ZMYM4: variants seen among roughly 807,000 people sequenced by gnomAD.
ZMYM4 encodes zinc finger MYM-type containing 4.
A neutral mutation model predicts 183.2 loss-of-function variants in ZMYM4; 31 were observed. The observed-to-expected ratio is 0.17, with a 90% CI of 0.13 to 0.23. The LOEUF is 0.23. Ranked by LOEUF, ZMYM4 falls within the 10% of genes least tolerant of loss-of-function variation. The probability of loss-of-function intolerance (pLI) is 1.00; values close to 1 mark genes in which losing one functional copy is unlikely to be tolerated. For synonymous variants in ZMYM4, 592 were observed against 631.2 expected, an observed-to-expected ratio of 0.94 and a Z score of 0.93; for missense variants, 1,273 against 1,840.3, an observed-to-expected ratio of 0.69 and a Z score of 5.64.
At chr1:35,343,679 AC>A (rs1199826857) in intron 2 of ZMYM4, among the ~76,000 whole-genome samples, 3 of 152,110 alleles carry the variant, frequency 2.0e-5, no homozygotes, top group African/African-American at 7.2e-5. Flanking sequence ...AGCCTGGCCA[AC>A]ATGGTGAAAC....
In ZMYM4 at chr1:35,279,294, G is replaced by A. The variant is rs537070104; in HGVS notation, c.39+10209G>A. Among the ~76,000 whole-genome samples, 6 of 152,328 alleles carry A rather than the reference G, an allele frequency of 3.9e-5. No homozygotes were observed. In the South Asian group the frequency reaches 1.0e-3, roughly 26 times the overall value. On this transcript the variant is annotated intron_variant, in intron 1 of 29. Transcript: ENST00000314607. Reference sequence around the variant, plus strand: ...CTGTTCCTTTCAGTACAGGCTGACAGCATTTTTGTTGGTATGATATTCTTT... The same window carrying A: ...CTGTTCCTTTCAGTACAGGCTGACAACATTTTTGTTGGTATGATATTCTTT...
rs1365766943 is a variant in ZMYM4, at chr1:35,420,286, C to T, written c.*609C>T. On this transcript the variant is annotated 3_prime_UTR_variant, in exon 30 of 30. Coordinates refer to ENST00000314607, the MANE Select transcript of ZMYM4 (RefSeq NM_005095.3). Reference sequence around the variant, plus strand: ...GGGCCCCTCACATCAGGGAAAATGACCTTCACTGCTGTTAACAGTAATGTG... The same window carrying T: ...GGGCCCCTCACATCAGGGAAAATGATCTTCACTGCTGTTAACAGTAATGTG... 1.3e-5 allele frequency: 2 copies of T among 155,734 alleles called. No homozygotes were observed. Among genetic ancestry groups the T allele is most frequent in the African/African-American group, 2.4e-5 (1 of 41,454 alleles). The allele number at this position is 155,734 out of a possible 1,614,324, so 9.6% of individuals were successfully genotyped here.
At chr1:35,391,034 A>G (rs1398038564) in intron 15 of ZMYM4, among the ~76,000 whole-genome samples, 1 of 152,214 alleles carries the variant, frequency 6.6e-6, no homozygotes, top group Non-Finnish European at 1.5e-5. Flanking sequence ...CCCTGCCTCT[A>G]AAAAATTAAA....
intron 1 of ZMYM4, among the ~76,000 whole-genome samples, chr1:35,294,433 G>A (rs946997240): frequency 6.6e-6 from 1 of 152,054 alleles, no homozygotes; most frequent in Non-Finnish European, 1.5e-5. Context: ...AGATAGGGCA[G>A]GATAATATGT....
intron 2 of ZMYM4, among the ~76,000 whole-genome samples, chr1:35,325,620 T>C (rs1034765498): frequency 2.0e-5 from 3 of 152,170 alleles, no homozygotes; most frequent in Non-Finnish European, 4.4e-5. Flanking sequence ...TTTATTCTCA[T>C]AGTTATCATA....
chr1:35,328,506 A>G (rs1375768958), intron 2 of ZMYM4, among the ~76,000 whole-genome samples: 5 of 142,846 alleles, frequency 3.5e-5, no homozygotes, highest in African/African-American at 1.1e-4. Flanking sequence ...ATGTTTTCCA[A>G]TCAGGTCTTA....
chr1:35,418,727 G>A (rs567953567), intron 29 of ZMYM4, among the ~76,000 whole-genome samples, 155 bp downstream of exon 29: 120 of 152,108 alleles, frequency 7.9e-4, no homozygotes, highest in Non-Finnish European at 1.5e-3. Context: ...TGTGGATTTT[G>A]AACCACAAAA....
At chr1:35,343,208 TTTA>T (rs747720284) in intron 2 of ZMYM4, among the ~76,000 whole-genome samples, 2 of 152,158 alleles carry the variant, frequency 1.3e-5, no homozygotes, top group Admixed American at 6.5e-5. Context: ...GAAGCCCAAT[TTTA>T]TTATTATATT....
At chr1:35,405,215 G>T (rs372420299) in intron 24 of ZMYM4, 21 bp downstream of exon 24, 1 of 1,610,204 alleles carries the variant, frequency 6.2e-7, no homozygotes, top group East Asian at 2.2e-5. Flanking sequence ...AGCATGAATT[G>T]TATCTTGATT....
chr1:35,328,878 G>T (rs1642618202), intron 2 of ZMYM4, among the ~76,000 whole-genome samples: 1 of 152,026 alleles, frequency 6.6e-6, no homozygotes, highest in South Asian at 2.1e-4. Context: ...TGGGATTCAT[G>T]TCTAGAAAAA....
chr1:35,408,064 T>C lies in ZMYM4; in HGVS notation c.3853T>C (p.Leu1285=), dbSNP rs1639699484. The change falls in exon 26 of 30, where the codon TTG becomes CTG. Residue 1285 remains leucine (L), a synonymous_variant. Coordinates refer to ENST00000314607, the MANE Select transcript of ZMYM4 (RefSeq NM_005095.3). ...GTCCTGCACTTTTGCTGAGTTGAGTTTGGGCTTATGCCAGTTTATCCAAGA... is the reference window on the plus strand; with the variant it reads ...GTCCTGCACTTTTGCTGAGTTGAGTCTGGGCTTATGCCAGTTTATCCAAGA... The part of the protein sequence containing the change: ...ILSCTFAELS[L]GLCQFIQEVR... The C allele has an allele frequency of 1.9e-6, 3 of 1,614,224 alleles. No homozygotes were observed. The highest frequency in any genetic ancestry group is 2.5e-6 in the Non-Finnish European group (3 of 1,180,022).
chr1:35,410,451 A>AATAT (rs1200205894), intron 26 of ZMYM4, among the ~76,000 whole-genome samples: 17 of 148,834 alleles, frequency 1.1e-4, no homozygotes, highest in Admixed American at 9.8e-4. Context: ...TTGAATGACA[A>AATAT]ATATATATTT....
intron 1 of ZMYM4, among the ~76,000 whole-genome samples, chr1:35,279,525 G>C (rs1640039197): frequency 6.6e-6 from 1 of 152,162 alleles, no homozygotes; most frequent in African/African-American, 2.4e-5. Context: ...TTCTAACAGT[G>C]AATTTCCTAA....
At chr1:35,299,301 C>T (rs943865641) in intron 1 of ZMYM4, among the ~76,000 whole-genome samples, 5 of 152,030 alleles carry the variant, frequency 3.3e-5, no homozygotes, top group African/African-American at 1.2e-4. Flanking sequence ...AGGTTCTTGG[C>T]GTCTTGAACA....
At position 35,352,386 on chromosome 1, in the gene ZMYM4, G is replaced by GCGCGCACACACACACACACACA. The variant is rs1231646476; in HGVS notation, c.86-6538_86-6537insGCGCACACACACACACACACAC. ...CTCTACTAATAATTTAAAAATTAGC[G>GCGCGCACACACACACACACACA]CACACACACACACACACACACACAC... On this transcript the variant is annotated intron_variant, in intron 2 of 29. Transcript: ENST00000314607. Among the ~76,000 whole-genome samples, 4 of 128,472 alleles carry GCGCGCACACACACACACACACA rather than the reference G, an allele frequency of 3.1e-5. No individual in the cohort carries two copies. In the East Asian group the frequency reaches 6.9e-4, roughly 22 times the overall value. 84.3% of individuals were successfully genotyped at this position (128,472 alleles called of 152,430 possible).
At chr1:35,280,991 T>TA (rs1557900270) in intron 1 of ZMYM4, among the ~76,000 whole-genome samples, 2 of 152,056 alleles carry the variant, frequency 1.3e-5, no homozygotes, top group Non-Finnish European at 2.9e-5. Flanking sequence ...TTTTTATATT[T>TA]AAAAAATCAC....
rs1345768434 is a variant in ZMYM4, at chr1:35,408,062, G to A, written c.3851G>A (p.Ser1284Asn). ...CTGTCCTGCACTTTTGCTGAGTTGA[G>A]TTTGGGCTTATGCCAGTTTATCCAA... is the stretch of plus-strand genomic sequence containing the variant. ...DILSCTFAEL[S>N]LGLCQFIQEV... Residue 1284 changes from serine (S) to asparagine (N), a missense_variant, in exon 26 of 30, where the codon AGT (serine) becomes AAT (asparagine). Transcript: ENST00000314607. 6.2e-7 allele frequency: 1 copy of A among 1,614,114 alleles called. No homozygotes were observed. Among genetic ancestry groups the A allele is most frequent in the Non-Finnish European group, 8.5e-7 (1 of 1,180,038 alleles).
intron 7 of ZMYM4, among the ~76,000 whole-genome samples, chr1:35,373,258 A>G (rs999501724): frequency 1.3e-5 from 2 of 151,016 alleles, no homozygotes; most frequent in African/African-American, 4.8e-5. Context: ...ATATATACAC[A>G]CACACCCACA....
At chr1:35,400,802 C>G (rs187864973) in intron 23 of ZMYM4, among the ~76,000 whole-genome samples, 126 of 152,230 alleles carry the variant, frequency 8.3e-4, no homozygotes, top group African/African-American at 2.5e-3. Context: ...TCTACTGTAC[C>G]GATTGATGCA....
Sources: allele counts gnomAD v4.1 joint callset (sites outside exome capture counted in the v4.1 genomes callset), GRCh38; gene constraint gnomAD v4.1.1; transcripts MANE v1.5; gene names NCBI Gene and HGNC (gene_info 2026-07-23, HGNC 2026-07-21).